The following KIF6 variants were observed in gnomAD, a reference collection of about 807,000 sequenced individuals.
KIF6 encodes the protein kinesin-like protein KIF6.
A neutral mutation model predicts 112.7 loss-of-function variants in KIF6; 106 were observed. The ratio of observed to expected loss-of-function variants is 0.94; its 90% CI spans 0.80 to 1.11. The LOEUF is 1.11. Ranked by LOEUF, KIF6 falls within the 50% of genes least tolerant of loss-of-function variation. The pLI is 0.00. For missense variants in KIF6, 929 were observed against 964.0 expected, an observed-to-expected ratio of 0.96 and a Z score of 0.48; for synonymous variants, 339 against 339.9, an observed-to-expected ratio of 1.00 and a Z score of 0.03.
chr6:39,441,018 A>G (rs1047067961), intron 13 of KIF6, among the ~76,000 whole-genome samples: 20 of 152,222 alleles, frequency 1.3e-4, no homozygotes, highest in Non-Finnish European at 7.3e-5. Context: ...TCTCCAAGAA[A>G]GATTAGATGG....
intron 16 of KIF6, among the ~76,000 whole-genome samples, chr6:39,382,170 C>T (rs1369683504): frequency 6.6e-6 from 1 of 152,098 alleles, no homozygotes; most frequent in African/African-American, 2.4e-5. Context: ...TTTAAATTTC[C>T]ATTTTTAAAT....
intron 10 of KIF6, among the ~76,000 whole-genome samples, chr6:39,576,316 G>T (rs1390037846): frequency 6.6e-6 from 1 of 151,912 alleles, no homozygotes; most frequent in East Asian, 1.9e-4. Flanking sequence ...TAGAGACGAG[G>T]TTTCTCCATG....
At chr6:39,595,298 A>G (rs929365774) in intron 7 of KIF6, among the ~76,000 whole-genome samples, 4 of 152,252 alleles carry the variant, frequency 2.6e-5, no homozygotes, top group African/African-American at 9.6e-5. Context: ...GCAGTAAGAC[A>G]AAAAGTGAAA....
intron 3 of KIF6, among the ~76,000 whole-genome samples, chr6:39,643,581 C>T (rs940664096): frequency 9.2e-5 from 14 of 152,110 alleles, no homozygotes; most frequent in African/African-American, 3.4e-4. Flanking sequence ...AAAGAATGGT[C>T]TTTTTAACAA....
intron 22 of KIF6, among the ~76,000 whole-genome samples, chr6:39,341,841 C>T (rs1028142191): frequency 6.6e-6 from 1 of 152,136 alleles, no homozygotes; most frequent in Admixed American, 6.5e-5. Flanking sequence ...CTGGTGAGTC[C>T]AAGCCACAAT....
At chr6:39,715,412 G>A (rs920032997) in intron 2 of KIF6, among the ~76,000 whole-genome samples, 1 of 151,940 alleles carries the variant, frequency 6.6e-6, no homozygotes, top group African/African-American at 2.4e-5. Flanking sequence ...GAGGTGTGGT[G>A]TCAATTTCAC....
chr6:39,616,129 C>T (rs535431465), intron 5 of KIF6, among the ~76,000 whole-genome samples: 4 of 152,204 alleles, frequency 2.6e-5, no homozygotes, highest in East Asian at 1.9e-4. Context: ...CACTGATTTG[C>T]GATTATATTT....
intron 14 of KIF6, among the ~76,000 whole-genome samples, chr6:39,428,968 T>C (rs1443752462): frequency 6.6e-6 from 1 of 152,204 alleles, no homozygotes; most frequent in Non-Finnish European, 1.5e-5. Flanking sequence ...TATGTCCCCT[T>C]ATAAACATGC....
intron 13 of KIF6, among the ~76,000 whole-genome samples, chr6:39,531,891 C>T (rs1010241283): frequency 5.3e-5 from 8 of 152,276 alleles, no homozygotes; most frequent in African/African-American, 1.9e-4. Context: ...CCCTTCTTCC[C>T]ATGTCAATCA....
intron 15 of KIF6, among the ~76,000 whole-genome samples, chr6:39,395,131 C>CA (rs1768165672): frequency 1.3e-5 from 2 of 152,182 alleles, no homozygotes; most frequent in African/African-American, 4.8e-5. Flanking sequence ...CTGGGAGACC[C>CA]AATTTCTTTT....
In KIF6 at chr6:39,708,024, C is replaced by T. The variant is rs6939125; in HGVS notation, c.251+6668G>A. Among the ~76,000 whole-genome samples the T allele has an allele frequency of 2.0e-5, 3 of 152,094 alleles. No homozygotes were observed. The East Asian group carries it at 5.8e-4, about 29-fold the overall frequency. On this transcript the variant is annotated intron_variant, in intron 3 of 22. Transcript: ENST00000287152. ...GATTTTTTTAATCCTCTTTTGTGAG[C>T]CTTTTTCTCCCTATTCTGTCCTCCT... is the stretch of plus-strand genomic sequence containing the variant.
chr6:39,535,580 A>C (rs1231214679), intron 13 of KIF6, among the ~76,000 whole-genome samples: 1 of 152,262 alleles, frequency 6.6e-6, no homozygotes, highest in Non-Finnish European at 1.5e-5. Context: ...TGAGTGACCT[A>C]TAAAGAGACT....
At chr6:39,694,537 G>T (rs1193751658) in intron 3 of KIF6, among the ~76,000 whole-genome samples, 1 of 151,976 alleles carries the variant, frequency 6.6e-6, no homozygotes, top group Non-Finnish European at 1.5e-5. Flanking sequence ...TTCAAGCTGA[G>T]AACCAAATCA....
At chr6:39,598,839 G>GA (rs1011758452) in intron 6 of KIF6, among the ~76,000 whole-genome samples, 2 of 151,868 alleles carry the variant, frequency 1.3e-5, no homozygotes, top group Non-Finnish European at 2.9e-5. Flanking sequence ...AGAATGCTGG[G>GA]AAAAAATAGC....
At chr6:39,695,818 A>G (rs1788498081) in intron 3 of KIF6, among the ~76,000 whole-genome samples, 1 of 152,222 alleles carries the variant, frequency 6.6e-6, no homozygotes, top group Admixed American at 6.5e-5. Context: ...AAGAAAACAA[A>G]TCATTCTACC....
chr6:39,436,158 T>C (rs1020671448), intron 13 of KIF6, among the ~76,000 whole-genome samples: 1 of 152,174 alleles, frequency 6.6e-6, no homozygotes, highest in Non-Finnish European at 1.5e-5. Context: ...TTTTTATATC[T>C]TTTTTTGAGA....
At position 39,342,146 on chromosome 6, in the gene KIF6, G is replaced by A. The variant is rs947940693; in HGVS notation, c.2428+1563C>T. On this transcript the variant is annotated intron_variant, in intron 22 of 22. Transcript: ENST00000287152. The surrounding 1 kb of genome is among the most constrained non-coding windows in gnomAD (Gnocchi z 4.7). ...GCAAAGCTTCCCCTTCAGGCTTCTCGCTTTCCGCTCTGTCTGCTAGGACTG... is the reference window on the plus strand; with the variant it reads ...GCAAAGCTTCCCCTTCAGGCTTCTCACTTTCCGCTCTGTCTGCTAGGACTG... Among the ~76,000 whole-genome samples the A allele has an allele frequency of 2.0e-5, 3 of 152,106 alleles. No individual in the cohort carries two copies. The highest frequency in any genetic ancestry group is 4.4e-5 in the Non-Finnish European group (3 of 68,016).
chr6:39,618,269 G>A (rs967634474), intron 5 of KIF6, among the ~76,000 whole-genome samples: 1 of 152,104 alleles, frequency 6.6e-6, no homozygotes, highest in Non-Finnish European at 1.5e-5. Context: ...CTTGAAAACC[G>A]TATCTTTTCT....
At chr6:39,437,920 G>A (rs1338570618) in intron 13 of KIF6, among the ~76,000 whole-genome samples, 2 of 151,808 alleles carry the variant, frequency 1.3e-5, no homozygotes, top group Non-Finnish European at 2.9e-5. Context: ...CATAATACTT[G>A]ATAATAAATG....
Sources: allele counts gnomAD v4.1 joint callset (sites outside exome capture counted in the v4.1 genomes callset), GRCh38; gene constraint gnomAD v4.1.1; non-coding constraint Gnocchi (gnomAD v3.1); transcripts MANE v1.5; gene names NCBI Gene and HGNC (gene_info 2026-07-23, HGNC 2026-07-21).